Variants in ASIC2 observed in about 807,000 individuals in gnomAD.
The protein encoded by ASIC2 is acid sensing ion channel subunit 2, also known as acid-sensing ion channel 2.
A neutral mutation model predicts 57.3 loss-of-function variants in ASIC2; 25 were observed. That is an observed-to-expected ratio of 0.44 (90% CI 0.32 to 0.61). The LOEUF is 0.61. Ranked by LOEUF, ASIC2 falls within the 20% of genes least tolerant of loss-of-function variation. The pLI, the probability that ASIC2 is intolerant of heterozygous loss-of-function variation, is 0.06. For synonymous variants in ASIC2, 319 were observed against 307.5 expected (o/e 1.04, Z -0.39); for missense variants, 641 against 738.1 (o/e 0.87, Z 1.52).
chr17:33,782,896 TTCTAGCTACAGAGG>T (rs1911499174), intron 1 of ASIC2, among the ~76,000 whole-genome samples: 1 of 152,172 alleles, frequency 6.6e-6, no homozygotes, highest in African/African-American at 2.4e-5. Flanking sequence ...GTCCCACTTG[TTCTAGCTACAGAGG>T]TCTCCTTGCT....
chr17:33,780,574 C>G (rs914222347), intron 1 of ASIC2, among the ~76,000 whole-genome samples: 2 of 152,238 alleles, frequency 1.3e-5, no homozygotes, highest in African/African-American at 4.8e-5. Context: ...GAATCCCTAT[C>G]CAGTCAATTT....
intron 1 of ASIC2, among the ~76,000 whole-genome samples, chr17:33,811,036 A>C (rs1912406005): frequency 6.6e-6 from 1 of 152,260 alleles, no homozygotes; most frequent in Admixed American, 6.5e-5. Context: ...GGCAGAAGGT[A>C]TGTAAACGGC....
chr17:33,909,727 A>C (rs376120944), intron 1 of ASIC2, among the ~76,000 whole-genome samples: 1 of 152,198 alleles, frequency 6.6e-6, no homozygotes, highest in African/African-American at 2.4e-5. Flanking sequence ...CAAATAAGAG[A>C]ATGTTGAAAT....
intron 1 of ASIC2, among the ~76,000 whole-genome samples, chr17:33,514,144 A>G (rs897820396): frequency 6.6e-6 from 1 of 152,160 alleles, no homozygotes; most frequent in African/African-American, 2.4e-5. Context: ...ATGCAAACAC[A>G]GGTTTCTCTG....
chr17:34,088,678 G>T (rs1301499304), intron 1 of ASIC2, among the ~76,000 whole-genome samples: 1 of 152,226 alleles, frequency 6.6e-6, no homozygotes, highest in East Asian at 1.9e-4. Context: ...CTTGAGCTGT[G>T]GTGGGCTCCA....
intron 1 of ASIC2, among the ~76,000 whole-genome samples, chr17:33,927,975 C>A (rs537301136): frequency 1.9e-4 from 29 of 152,158 alleles, no homozygotes; most frequent in African/African-American, 7.0e-4. Context: ...AATATTTGTC[C>A]GCTAATTTTG....
intron 1 of ASIC2, among the ~76,000 whole-genome samples, chr17:33,231,899 C>A (rs1908106073): frequency 6.6e-6 from 1 of 152,146 alleles, no homozygotes; most frequent in Non-Finnish European, 1.5e-5. Flanking sequence ...CCTGTCCTCT[C>A]CTTTATATTC....
At chr17:33,341,169 C>G (rs9898831) in intron 1 of ASIC2, among the ~76,000 whole-genome samples, 1 of 151,988 alleles carries the variant, frequency 6.6e-6, no homozygotes, top group South Asian at 2.1e-4. Context: ...AACCGAGGAG[C>G]GCTTGTGAAA....
intron 1 of ASIC2, among the ~76,000 whole-genome samples, chr17:33,569,718 A>T (rs1215310111): frequency 6.6e-6 from 1 of 151,992 alleles, no homozygotes; most frequent in Admixed American, 6.6e-5. Flanking sequence ...GGTGCATATC[A>T]TCCATCCATC....
At chr17:33,810,401 CA>C (rs1376021762) in intron 1 of ASIC2, among the ~76,000 whole-genome samples, 1 of 152,174 alleles carries the variant, frequency 6.6e-6, no homozygotes, top group African/African-American at 2.4e-5. Context: ...CTAATTATGT[CA>C]GAATGTGTGG....
At chr17:33,595,318 C>G (rs1478714335) in intron 1 of ASIC2, among the ~76,000 whole-genome samples, 1 of 152,194 alleles carries the variant, frequency 6.6e-6, no homozygotes. Context: ...GCTGGGACGT[C>G]AGAGGGTTAT....
chr17:33,058,070 G>A (rs1436411436), intron 3 of ASIC2, among the ~76,000 whole-genome samples: 1 of 152,156 alleles, frequency 6.6e-6, no homozygotes, highest in Admixed American at 6.5e-5. Context: ...TATGCCAGAT[G>A]CCCTCTGTAT....
At chr17:33,344,799 G>A (rs1475206733) in intron 1 of ASIC2, among the ~76,000 whole-genome samples, 2 of 152,078 alleles carry the variant, frequency 1.3e-5, no homozygotes, top group Non-Finnish European at 2.9e-5. Flanking sequence ...GCCACTCTTT[G>A]GGGACAGAGA....
intron 1 of ASIC2, among the ~76,000 whole-genome samples, chr17:33,255,545 G>C (rs150271519): frequency 6.8e-6 from 1 of 148,148 alleles, no homozygotes; most frequent in African/African-American, 2.5e-5. Flanking sequence ...CTGTGGAAAT[G>C]TTCGCATCAG....
chr17:33,147,478 A>G (rs1904607622), intron 1 of ASIC2, among the ~76,000 whole-genome samples: 1 of 152,256 alleles, frequency 6.6e-6, no homozygotes, highest in African/African-American at 2.4e-5. Context: ...CAACTTTGAT[A>G]ACATTAATAT....
At chr17:33,949,650 T>C (rs1248589901) in intron 1 of ASIC2, among the ~76,000 whole-genome samples, 3 of 152,174 alleles carry the variant, frequency 2.0e-5, no homozygotes, top group Non-Finnish European at 2.9e-5. Context: ...TCAAATTCCA[T>C]AGGCCTGCTT....
rs71144877 is a variant in ASIC2, at chr17:33,436,853, CTTTTTTT to C, written c.556-324793_556-324787del. Among the ~76,000 whole-genome samples, 175 of 66,564 alleles carry C rather than the reference CTTTTTTT, an allele frequency of 2.6e-3. 1 individual carries two copies. The highest frequency in any genetic ancestry group is 7.6e-3 in the African/African-American group (152 of 19,988). 43.7% of individuals were successfully genotyped at this position (66,564 alleles called of 152,430 possible). On this transcript the variant is annotated intron_variant, in intron 1 of 9. Coordinates refer to the ASIC2 transcript ENST00000359872. ...AATGCCTTAAAACACATTCCAACTT[CTTTTTTT>C]TTTTTTTTTTTTTTTTTTTTTTTGA...
chr17:34,085,684 GGTAA>G (rs1171472253), intron 1 of ASIC2, among the ~76,000 whole-genome samples: 1 of 151,966 alleles, frequency 6.6e-6, no homozygotes, highest in Non-Finnish European at 1.5e-5. Context: ...CTTTTTGGTT[GGTAA>G]GCTATTGATT....
chr17:33,902,641 G>A lies in ASIC2; in HGVS notation c.555+253337C>T, dbSNP rs548430375. ...TCCAGGATTGCCCAGCCTCAGTCTAGGGAGTTAACGGGGACTCCAACAGTC... is the reference window on the plus strand; with the variant it reads ...TCCAGGATTGCCCAGCCTCAGTCTAAGGAGTTAACGGGGACTCCAACAGTC... On this transcript the variant is annotated intron_variant, in intron 1 of 9. Coordinates refer to the ASIC2 transcript ENST00000359872. 6.4e-4 allele frequency among the ~76,000 whole-genome samples: 98 copies of A among 152,264 alleles called. 2 individuals are homozygous for A. In the South Asian group the frequency reaches 0.02, roughly 31 times the overall value.
Sources: allele counts gnomAD v4.1 joint callset (sites outside exome capture counted in the v4.1 genomes callset), GRCh38; gene constraint gnomAD v4.1.1; transcripts MANE v1.5; gene names NCBI Gene and HGNC (gene_info 2026-07-23, HGNC 2026-07-21).